The following TNIK variants were observed in gnomAD, a reference collection of about 807,000 sequenced individuals.
TNIK encodes the protein TRAF2 and NCK interacting kinase, also known as TRAF2 and NCK-interacting protein kinase.
TNIK carries 49 observed loss-of-function variants against 191.3 expected under a neutral mutation model. That is an observed-to-expected ratio of 0.26 (90% CI 0.20 to 0.32). The LOEUF is 0.32. TNIK is among the 10% of genes least tolerant of loss of function. The pLI is 1.00. For missense variants in TNIK, 1,155 were observed against 1,702.3 expected, an observed-to-expected ratio of 0.68 and a Z score of 5.66; for synonymous variants, 594 against 600.9, an observed-to-expected ratio of 0.99 and a Z score of 0.17.
chr3:171,274,149 C>T (rs1749444676), intron 2 of TNIK, among the ~76,000 whole-genome samples: 1 of 152,192 alleles, frequency 6.6e-6, no homozygotes, highest in African/African-American at 2.4e-5. Flanking sequence ...AACCTGTGAG[C>T]ATTCTTTAGC....
intron 2 of TNIK, among the ~76,000 whole-genome samples, chr3:171,243,158 C>T (rs1009195699): frequency 2.0e-5 from 3 of 152,060 alleles, no homozygotes; most frequent in African/African-American, 7.2e-5. Context: ...CAGGAGTGTC[C>T]GGATAAGGTG....
chr3:171,307,393 C>T (rs16856145), intron 2 of TNIK, among the ~76,000 whole-genome samples: 6,855 of 152,220 alleles, frequency 0.045, 509 homozygotes, highest in African/African-American at 0.16. Flanking sequence ...ACACACATTC[C>T]ATGTTCACTT....
intron 1 of TNIK, among the ~76,000 whole-genome samples, chr3:171,453,627 C>T (rs1728453684): frequency 6.6e-6 from 1 of 152,084 alleles, no homozygotes; most frequent in Non-Finnish European, 1.5e-5. Context: ...GGAAGACTCA[C>T]GTGGCTACAG....
intron 4 of TNIK, among the ~76,000 whole-genome samples, chr3:171,195,940 T>A (rs918017571): frequency 2.0e-5 from 3 of 152,174 alleles, no homozygotes; most frequent in African/African-American, 7.2e-5. Context: ...TTCAAGAGAC[T>A]CCCAGTGGTG....
intron 2 of TNIK, among the ~76,000 whole-genome samples, chr3:171,235,867 A>T (rs1238869100): frequency 6.6e-6 from 1 of 152,148 alleles, no homozygotes; most frequent in African/African-American, 2.4e-5. Context: ...AAGGGTCAAT[A>T]ACCCTCTGAA....
At chr3:171,123,984 A>G (rs1728135612) in intron 17 of TNIK, among the ~76,000 whole-genome samples, 1 of 152,240 alleles carries the variant, frequency 6.6e-6, no homozygotes, top group South Asian at 2.1e-4. Context: ...TAATTTTGAT[A>G]CACTGAGCTA....
chr3:171,139,068 G>A (rs1466634551), intron 14 of TNIK, among the ~76,000 whole-genome samples: 1 of 152,136 alleles, frequency 6.6e-6, no homozygotes, highest in Non-Finnish European at 1.5e-5. Context: ...TAGAGCTGAT[G>A]GGTTCTTATG....
At chr3:171,283,514 G>T (rs1750704754) in intron 2 of TNIK, among the ~76,000 whole-genome samples, 2 of 152,262 alleles carry the variant, frequency 1.3e-5, no homozygotes, top group African/African-American at 4.8e-5. Context: ...GAGGAGTTCG[G>T]TCTTGCTGAC....
At chr3:171,281,988 G>T (rs1750485199) in intron 2 of TNIK, among the ~76,000 whole-genome samples, 1 of 152,038 alleles carries the variant, frequency 6.6e-6, no homozygotes, top group Non-Finnish European at 1.5e-5. Flanking sequence ...GTTGATTTTG[G>T]CCAAAAAATA....
intron 2 of TNIK, among the ~76,000 whole-genome samples, chr3:171,300,623 G>A (rs1297655218): frequency 6.6e-6 from 1 of 152,162 alleles, no homozygotes; most frequent in Non-Finnish European, 1.5e-5. Flanking sequence ...GCATATTGAT[G>A]AAATATTCAA....
At chr3:171,078,131 T>C (rs949567847) in intron 28 of TNIK, among the ~76,000 whole-genome samples, 5 of 152,210 alleles carry the variant, frequency 3.3e-5, no homozygotes, top group African/African-American at 1.2e-4. Context: ...CAGGTATTGA[T>C]ATATCATGTT....
chr3:171,415,982 AAAAAAAAAAAAAAAAG>A (rs1722999089), intron 1 of TNIK, among the ~76,000 whole-genome samples: 1 of 146,582 alleles, frequency 6.8e-6, no homozygotes, highest in African/African-American at 2.5e-5. Flanking sequence ...TCAAAAAAAA[AAAAAAAAAAAAAAAAG>A]AAAGAAAAAG....
rs867449477 is a variant in TNIK, at chr3:171,120,446, A to G, written c.2120+3150T>C. ...CGCCATTCTCCTGCCTCAGCCTCCC[A>G]AGTAGCTGGGACTACAGGCGCCTGC... On this transcript the variant is annotated intron_variant, in intron 18 of 32. Coordinates refer to ENST00000436636, the MANE Select transcript of TNIK (RefSeq NM_015028.4). Among the ~76,000 whole-genome samples the G allele has an allele frequency of 2.7e-5, 4 of 149,600 alleles. 1 individual carries two copies. The highest frequency in any genetic ancestry group is 6.4e-3 in the Middle Eastern group (2 of 314).
intron 2 of TNIK, among the ~76,000 whole-genome samples, chr3:171,364,231 G>A (rs1045459187): frequency 6.6e-6 from 1 of 152,036 alleles, no homozygotes; most frequent in Non-Finnish European, 1.5e-5. Context: ...ACATACTAAA[G>A]TTTGAGGACC....
chr3:171,378,227 C>A (rs1247973941), intron 1 of TNIK, among the ~76,000 whole-genome samples: 1 of 152,168 alleles, frequency 6.6e-6, no homozygotes, highest in African/African-American at 2.4e-5. Context: ...ATGCTAATTA[C>A]TTTAAGCTAA....
chr3:171,114,084 T>TTTA (rs1266478591), intron 18 of TNIK, among the ~76,000 whole-genome samples: 1 of 152,142 alleles, frequency 6.6e-6, no homozygotes. Flanking sequence ...TTTTTTTTAT[T>TTTA]TTATTTTTCT....
chr3:171,394,485 C>A (rs1719978637), intron 1 of TNIK, among the ~76,000 whole-genome samples: 1 of 150,882 alleles, frequency 6.6e-6, no homozygotes, highest in Non-Finnish European at 1.5e-5. Flanking sequence ...CTATGTCCCC[C>A]AAAAGACCAA....
chr3:171,214,759 C>CATATTCATT, intron 3 of TNIK, among the ~76,000 whole-genome samples: 1 of 152,130 alleles, frequency 6.6e-6, no homozygotes, highest in African/African-American at 2.4e-5. Flanking sequence ...TAACCTCAGC[C>CATATTCATT]ATGGCATTTA....
At chr3:171,147,180 A>T (rs1387177506) in intron 12 of TNIK, among the ~76,000 whole-genome samples, 1 of 152,150 alleles carries the variant, frequency 6.6e-6, no homozygotes, top group African/African-American at 2.4e-5. Context: ...GGAAGACCCG[A>T]GTTGGCCTCC....
Sources: gnomAD v4.1 joint callset for allele counts (sites outside exome capture counted in the v4.1 genomes callset) on GRCh38, gnomAD v4.1.1 for gene constraint, MANE v1.5 for transcripts, NCBI Gene and HGNC (gene_info 2026-07-23, HGNC 2026-07-21) for gene names.